TCF4: variants seen among roughly 807,000 people sequenced by gnomAD.
TCF4 encodes transcription factor 4.
TCF4 carries 3 observed loss-of-function variants against 82.1 expected under a neutral mutation model. The observed-to-expected ratio is 0.04, with a 90% CI of 0.02 to 0.09. The LOEUF is 0.09. Ranked by LOEUF, TCF4 falls within the 10% of genes least tolerant of loss-of-function variation. The pLI is 1.00. For missense variants in TCF4, 518 were observed against 852.7 expected, an observed-to-expected ratio of 0.61 and a Z score of 4.89; for synonymous variants, 276 against 309.6, an observed-to-expected ratio of 0.89 and a Z score of 1.14.
chr18:55,282,424 A>AT (rs2062806863), intron 8 of TCF4, among the ~76,000 whole-genome samples: 1 of 151,988 alleles, frequency 6.6e-6, no homozygotes, highest in Non-Finnish European at 1.5e-5. Flanking sequence ...TAATGGTTTA[A>AT]TTTTTCATAA....
At chr18:55,563,213 C>G (rs181056578) in intron 3 of TCF4, among the ~76,000 whole-genome samples, 124 of 140,328 alleles carry the variant, frequency 8.8e-4, no homozygotes, top group African/African-American at 3.1e-3. Context: ...CACTCCATCC[C>G]AGGCAACAGA....
intron 6 of TCF4, among the ~76,000 whole-genome samples, chr18:55,381,924 T>A (rs58702126): frequency 0.087 from 11,898 of 137,358 alleles, 1,463 homozygotes; most frequent in African/African-American, 0.33. Flanking sequence ...TTTTTTTTTT[T>A]TAAAAAAGGA....
At chr18:55,487,438 C>T (rs532521017) in intron 3 of TCF4, among the ~76,000 whole-genome samples, 1 of 152,268 alleles carries the variant, frequency 6.6e-6, no homozygotes, top group Non-Finnish European at 1.5e-5. Flanking sequence ...GACACCAATG[C>T]CTGGCTAAGG....
chr18:55,387,381 G>A (rs771288668), intron 6 of TCF4, among the ~76,000 whole-genome samples: 2 of 152,190 alleles, frequency 1.3e-5, no homozygotes, highest in Non-Finnish European at 2.9e-5. Flanking sequence ...CATCAGGGAC[G>A]ACTGACACCC....
chr18:55,413,618 A>C (rs1253647603), intron 5 of TCF4, among the ~76,000 whole-genome samples: 1 of 152,124 alleles, frequency 6.6e-6, no homozygotes, highest in Non-Finnish European at 1.5e-5. Context: ...GTTTAAGAGA[A>C]GCCTCTCAAT....
In TCF4 at chr18:55,600,398, A is replaced by G. The variant is rs1249922634; in HGVS notation, c.287-13262T>C. Among the ~76,000 whole-genome samples the G allele has an allele frequency of 2.6e-5, 4 of 152,320 alleles. No individual in the cohort carries two copies. In the East Asian group the frequency reaches 7.7e-4, roughly 29 times the overall value. ...AAATTATTATGATGTATAGATTTAT[A>G]TATTGCTGCTGCCTCCTCAATTAGA... On this transcript the variant is annotated intron_variant, in intron 2 of 20. Coordinates refer to the TCF4 transcript ENST00000398339.
chr18:55,619,376 T>A (rs915196845), intron 2 of TCF4, among the ~76,000 whole-genome samples: 1 of 152,202 alleles, frequency 6.6e-6, no homozygotes, highest in African/African-American at 2.4e-5. Flanking sequence ...ATGGAATACG[T>A]AGTGCTGTCA....
At chr18:55,432,289 T>C (rs1199518363) in intron 5 of TCF4, among the ~76,000 whole-genome samples, 1 of 151,892 alleles carries the variant, frequency 6.6e-6, no homozygotes, top group African/African-American at 2.4e-5. Context: ...GGCGACAGAG[T>C]GAGACTCTGT....
At chr18:55,520,655 T>G (rs1284264558) in intron 3 of TCF4, among the ~76,000 whole-genome samples, 2 of 152,166 alleles carry the variant, frequency 1.3e-5, no homozygotes, top group Admixed American at 1.3e-4. Flanking sequence ...AGATGCAACT[T>G]TTGAACCGGA....
At chr18:55,426,643 G>A (rs1039659727) in intron 5 of TCF4, among the ~76,000 whole-genome samples, 1 of 152,096 alleles carries the variant, frequency 6.6e-6, no homozygotes, top group Non-Finnish European at 1.5e-5. Context: ...TATTTGTGAT[G>A]TTTCAATATG....
intron 3 of TCF4, among the ~76,000 whole-genome samples, chr18:55,468,436 A>C (rs545695897): frequency 6.6e-6 from 1 of 152,232 alleles, no homozygotes; most frequent in South Asian, 2.1e-4. Flanking sequence ...GTGAGCTCCC[A>C]ACACAGAGGA....
intron 1 of TCF4, among the ~76,000 whole-genome samples, chr18:55,632,206 T>C (rs1052025458): frequency 1.3e-5 from 2 of 152,086 alleles, no homozygotes; most frequent in Admixed American, 6.5e-5. Context: ...ATCCTGCTAA[T>C]TTTTTGTATT....
intron 5 of TCF4, among the ~76,000 whole-genome samples, chr18:55,407,649 TAAA>T (rs60748072): frequency 0.058 from 7,650 of 132,638 alleles, 254 homozygotes; most frequent in Non-Finnish European, 0.085. Context: ...AACTTCCATA[TAAA>T]AAAAAAAAAA....
intron 3 of TCF4, among the ~76,000 whole-genome samples, chr18:55,566,715 A>G (rs1178492518): frequency 6.6e-6 from 1 of 152,212 alleles, no homozygotes; most frequent in Non-Finnish European, 1.5e-5. Flanking sequence ...GACTGAAAAT[A>G]TGAGAGAAAA....
chr18:55,323,936 C>T (rs544685950), intron 8 of TCF4, among the ~76,000 whole-genome samples: 3 of 152,310 alleles, frequency 2.0e-5, no homozygotes, highest in Admixed American at 6.5e-5. Flanking sequence ...CCTTTTCTTA[C>T]CTATTTTGCA....
chr18:55,251,939 T>TTTTG (rs1172097223), intron 15 of TCF4, among the ~76,000 whole-genome samples: 1 of 151,384 alleles, frequency 6.6e-6, no homozygotes, highest in East Asian at 1.9e-4. Context: ...GGTTTTTTTT[T>TTTTG]TTTTTTTTTT....
At chr18:55,466,825 C>T (rs961675857) in intron 3 of TCF4, among the ~76,000 whole-genome samples, 2 of 152,118 alleles carry the variant, frequency 1.3e-5, no homozygotes, top group African/African-American at 2.4e-5. Flanking sequence ...ATTTCAAAAG[C>T]GAGCAATCCA....
At chr18:55,310,907 G>A (rs1025504514) in intron 8 of TCF4, among the ~76,000 whole-genome samples, 4 of 152,042 alleles carry the variant, frequency 2.6e-5, no homozygotes, top group Admixed American at 2.0e-4. Context: ...ACTGATAGAG[G>A]GTTCTAAACA....
At chr18:55,353,006 T>C (rs761612393) in intron 6 of TCF4, among the ~76,000 whole-genome samples, 4 of 152,176 alleles carry the variant, frequency 2.6e-5, no homozygotes, top group Admixed American at 6.5e-5. Flanking sequence ...CACCCCTATT[T>C]CTTCATTTTT....
Sources: gnomAD v4.1 joint callset for allele counts (sites outside exome capture counted in the v4.1 genomes callset) on GRCh38, gnomAD v4.1.1 for gene constraint, MANE v1.5 for transcripts, NCBI Gene and HGNC (gene_info 2026-07-23, HGNC 2026-07-21) for gene names.